The following GABRG3 variants were observed in gnomAD, a reference collection of about 807,000 sequenced individuals.
GABRG3 encodes gamma-aminobutyric acid receptor subunit gamma-3.
Under a neutral mutation model 48.8 loss-of-function variants are expected in GABRG3, and 25 were observed. The ratio of observed to expected loss-of-function variants is 0.51; its 90% CI spans 0.37 to 0.72. The LOEUF (loss-of-function observed/expected upper bound fraction) is 0.72. Ranked by LOEUF, GABRG3 falls within the 30% of genes least tolerant of loss-of-function variation. The probability of loss-of-function intolerance (pLI) is 0.00; values close to 1 mark genes in which losing one functional copy is unlikely to be tolerated. For synonymous variants in GABRG3, 227 were observed against 217.6 expected (o/e 1.04, Z -0.38); for missense variants, 394 against 577.9 (o/e 0.68, Z 3.26).
At chr15:27,348,409 T>C (rs1437472723) in intron 5 of GABRG3, among the ~76,000 whole-genome samples, 1 of 152,108 alleles carries the variant, frequency 6.6e-6, no homozygotes, top group African/African-American at 2.4e-5. Context: ...TCTGAGACAG[T>C]TTTAAGTGCT....
intron 5 of GABRG3, among the ~76,000 whole-genome samples, chr15:27,341,781 C>G (rs532707055): frequency 6.6e-6 from 1 of 152,278 alleles, no homozygotes; most frequent in Non-Finnish European, 1.5e-5. Context: ...CCAAAAGACA[C>G]TCAGGCCATG....
At chr15:27,100,664 G>A (rs1897339735) in intron 3 of GABRG3, among the ~76,000 whole-genome samples, 1 of 152,166 alleles carries the variant, frequency 6.6e-6, no homozygotes, top group Non-Finnish European at 1.5e-5. Flanking sequence ...ATAGAAGGTT[G>A]ATTCAGCTTT....
chr15:27,235,224 G>C lies in GABRG3; in HGVS notation c.271-91585G>C, dbSNP rs116254863. On this transcript the variant is annotated intron_variant, in intron 3 of 9. Coordinates refer to ENST00000615808, the MANE Select transcript of GABRG3 (RefSeq NM_033223.5). Reference sequence around the variant, plus strand: ...TTGTAAGAAATAAAACATAATGTCCGCCAAACCAGAAAAAGGTGTAGTCAG... The same window carrying C: ...TTGTAAGAAATAAAACATAATGTCCCCCAAACCAGAAAAAGGTGTAGTCAG... Among the ~76,000 whole-genome samples the C allele has an allele frequency of 3.6e-3, 543 of 151,656 alleles. 3 individuals carry two copies. Among genetic ancestry groups the C allele is most frequent in the African/African-American group, 0.012 (512 of 41,026 alleles).
chr15:27,123,362 G>A (rs751902925), intron 3 of GABRG3, among the ~76,000 whole-genome samples: 1 of 152,104 alleles, frequency 6.6e-6, no homozygotes, highest in African/African-American at 2.4e-5. Flanking sequence ...AGGTGATTAG[G>A]TCCTGAGGTT....
At chr15:27,334,371 G>C (rs1484657015) in intron 5 of GABRG3, among the ~76,000 whole-genome samples, 1 of 152,060 alleles carries the variant, frequency 6.6e-6, no homozygotes, top group African/African-American at 2.4e-5. Context: ...TCTTTCTGTT[G>C]TTTAGTTTGA....
chr15:27,409,311 G>T (rs1199382839), intron 5 of GABRG3, among the ~76,000 whole-genome samples: 1 of 152,010 alleles, frequency 6.6e-6, no homozygotes, highest in African/African-American at 2.4e-5. Flanking sequence ...CGGGGGCTAT[G>T]AATGTCCAAT....
At chr15:27,008,973 G>GGT (rs1261041700) in intron 2 of GABRG3, among the ~76,000 whole-genome samples, 1 of 152,144 alleles carries the variant, frequency 6.6e-6, no homozygotes, top group Non-Finnish European at 1.5e-5. Flanking sequence ...AGAGAAGAGA[G>GGT]GTAGGGGTGG....
intron 2 of GABRG3, among the ~76,000 whole-genome samples, chr15:26,999,216 A>C (rs1235998046): frequency 1.3e-5 from 2 of 152,194 alleles, no homozygotes; most frequent in Non-Finnish European, 2.9e-5. Flanking sequence ...GACTATTTAC[A>C]TAGCATTTAC....
intron 3 of GABRG3, among the ~76,000 whole-genome samples, chr15:27,181,692 T>C (rs1043986691): frequency 6.6e-6 from 1 of 152,178 alleles, no homozygotes; most frequent in Non-Finnish European, 1.5e-5. Flanking sequence ...ATACACACTT[T>C]AAGTGGCTGC....
rs1362382769 is a variant in GABRG3, at chr15:26,975,401, AT to A, written c.54-1600del. Among the ~76,000 whole-genome samples the A allele has an allele frequency of 6.6e-6, 1 of 152,198 alleles. No individual in the cohort carries two copies. Among genetic ancestry groups the A allele is most frequent in the Non-Finnish European group, 1.5e-5 (1 of 68,032 alleles). On this transcript the variant is annotated intron_variant, in intron 1 of 9. Coordinates refer to ENST00000615808, the MANE Select transcript of GABRG3 (RefSeq NM_033223.5). The surrounding 1 kb of genome is among the most constrained non-coding windows in gnomAD (Gnocchi z 4.6). ...CTTCTAGCCAATAGGTACTCAAGAA[AT>A]AGAGTTATACTTTAAGATCAGCCTA... is the stretch of plus-strand genomic sequence containing the variant.
At chr15:27,239,298 A>G (rs1471395118) in intron 3 of GABRG3, among the ~76,000 whole-genome samples, 11 of 152,070 alleles carry the variant, frequency 7.2e-5, no homozygotes, top group Admixed American at 1.3e-4. Context: ...TTTTTTTGTT[A>G]TGAGGCATAC....
At chr15:27,150,856 AG>A (rs1304287543) in intron 3 of GABRG3, among the ~76,000 whole-genome samples, 1 of 152,182 alleles carries the variant, frequency 6.6e-6, no homozygotes, top group African/African-American at 2.4e-5. Flanking sequence ...TTCAGAGAAG[AG>A]AGAATTTGGT....
At chr15:26,985,507 G>A (rs112889839) in intron 2 of GABRG3, among the ~76,000 whole-genome samples, 1,561 of 152,276 alleles carry the variant, frequency 0.01, 29 homozygotes, top group African/African-American at 0.035. Context: ...TTCTTATGCA[G>A]CTCCTTGATG....
chr15:27,034,612 CA>C (rs1340712231), intron 3 of GABRG3, among the ~76,000 whole-genome samples: 3 of 151,972 alleles, frequency 2.0e-5, no homozygotes, highest in Non-Finnish European at 4.4e-5. Context: ...TCTCCAAGAA[CA>C]AAAAAGAAGA....
intron 3 of GABRG3, among the ~76,000 whole-genome samples, chr15:27,034,876 T>C (rs1896149249): frequency 6.6e-6 from 1 of 152,198 alleles, no homozygotes. Flanking sequence ...TACACTACTG[T>C]CTTCAGTTCA....
At chr15:27,512,584 T>C (rs1005045909) in intron 6 of GABRG3, among the ~76,000 whole-genome samples, 1 of 152,216 alleles carries the variant, frequency 6.6e-6, no homozygotes, top group East Asian at 1.9e-4. Context: ...GTCAACACTA[T>C]GCAAAGCACT....
rs184482070 is a variant in GABRG3 at position 27,274,568 on chromosome 15, C to T, written c.271-52241C>T. Reference sequence around the variant, plus strand: ...GAGAACTGTACCAAGCCCAGTGGCCCAAACACCTCCTATGGGCCCCACCTT... The same window carrying T: ...GAGAACTGTACCAAGCCCAGTGGCCTAAACACCTCCTATGGGCCCCACCTT... On this transcript the variant is annotated intron_variant, in intron 3 of 9. Coordinates refer to ENST00000615808, the MANE Select transcript of GABRG3 (RefSeq NM_033223.5). Among the ~76,000 whole-genome samples the T allele has an allele frequency of 4.7e-4, 71 of 152,248 alleles. 1 individual carries two copies. The East Asian group carries it at 0.012, about 27-fold the overall frequency.
intron 5 of GABRG3, among the ~76,000 whole-genome samples, chr15:27,396,780 A>G (rs893234454): frequency 6.6e-6 from 1 of 152,232 alleles, no homozygotes; most frequent in African/African-American, 2.4e-5. Context: ...GTACATCCAC[A>G]TAATGAGATG....
chr15:27,290,027 G>A (rs879357649), intron 3 of GABRG3, among the ~76,000 whole-genome samples: 11 of 152,038 alleles, frequency 7.2e-5, no homozygotes, highest in Non-Finnish European at 1.0e-4. Flanking sequence ...ACTGGAGAAG[G>A]AAATATATCA....
Sources: gnomAD v4.1 joint callset for allele counts (sites outside exome capture counted in the v4.1 genomes callset) on GRCh38, gnomAD v4.1.1 for gene constraint, Gnocchi (gnomAD v3.1) non-coding constraint, MANE v1.5 for transcripts, NCBI Gene and HGNC (gene_info 2026-07-23, HGNC 2026-07-21) for gene names.